Variants in DACH2 observed in about 807,000 individuals in gnomAD.
The protein encoded by DACH2 is dachshund family transcription factor 2, also known as dachshund homolog 2.
A neutral mutation model predicts 35.8 loss-of-function variants in DACH2; 17 were observed. The ratio of observed to expected loss-of-function variants is 0.48; its 90% confidence interval spans 0.33 to 0.71. The LOEUF (loss-of-function observed/expected upper bound fraction) is 0.71, where lower values mean the gene tolerates loss of function less well. DACH2 is among the 30% of genes least tolerant of loss of function. DACH2 has a pLI of 0.02. For synonymous variants in DACH2, 195 were observed against 177.3 expected, an observed-to-expected ratio of 1.10 and a Z score of -0.79; for missense variants, 469 against 472.7, an observed-to-expected ratio of 0.99 and a Z score of 0.07.
intron 1 of DACH2, among the ~76,000 whole-genome samples, chrX:86,371,676 C>A (rs747901562): frequency 1.8e-5 from 2 of 110,713 alleles, no homozygotes; most frequent in African/African-American, 6.5e-5. Context: ...TTTAAACCAG[C>A]TGCTGTGGAG....
chrX:86,149,141 T>C, intron 1 of DACH2, 33 bp downstream of exon 1: 3 of 1,154,789 alleles, frequency 2.6e-6, no homozygotes, highest in Non-Finnish European at 2.3e-6. Context: ...CTCCCACTTC[T>C]CTTACCCCTT....
chrX:86,315,788 GACACACAC>G (rs774427717), intron 1 of DACH2, among the ~76,000 whole-genome samples: 2,947 of 78,410 alleles, frequency 0.038, 62 homozygotes, highest in Middle Eastern at 0.044. Flanking sequence ...GAGGGTCGTG[GACACACAC>G]ACACACACAC....
intron 1 of DACH2, among the ~76,000 whole-genome samples, chrX:86,246,021 C>T (rs1458008345): frequency 9.0e-6 from 1 of 111,370 alleles, no homozygotes. Flanking sequence ...TTTCACAATA[C>T]AATCAGAAGT....
intron 2 of DACH2, among the ~76,000 whole-genome samples, chrX:86,414,784 G>T (rs753579350): frequency 9.0e-6 from 1 of 111,412 alleles, no homozygotes; most frequent in Non-Finnish European, 1.9e-5. Context: ...TAAACTATTA[G>T]AACCTTTTTT....
intron 2 of DACH2, among the ~76,000 whole-genome samples, chrX:86,461,391 G>A (rs751265314): frequency 1.8e-5 from 2 of 111,358 alleles, no homozygotes; most frequent in East Asian, 2.8e-4. Flanking sequence ...TCCACAGACT[G>A]TTGTATTGGG....
At chrX:86,531,463 G>A (rs1340322407) in intron 3 of DACH2, among the ~76,000 whole-genome samples, 3 of 111,925 alleles carry the variant, frequency 2.7e-5, no homozygotes, top group Non-Finnish European at 5.6e-5. Flanking sequence ...TGCCACTCCA[G>A]TTCCAGCCAT....
intron 2 of DACH2, among the ~76,000 whole-genome samples, chrX:86,472,389 A>G (rs1462092502): frequency 8.9e-6 from 1 of 111,890 alleles, no homozygotes; most frequent in Non-Finnish European, 1.9e-5. Flanking sequence ...ATTATCCCCA[A>G]GAGCCTCTGG....
chrX:86,221,152 C>G (rs776919326), intron 1 of DACH2, among the ~76,000 whole-genome samples: 1 of 111,206 alleles, frequency 9.0e-6, no homozygotes, highest in East Asian at 2.9e-4. Context: ...TTCCATGATG[C>G]TTTTCCTTTA....
intron 2 of DACH2, among the ~76,000 whole-genome samples, chrX:86,413,582 AC>A (rs1371055212): frequency 9.0e-6 from 1 of 111,056 alleles, no homozygotes; most frequent in Non-Finnish European, 1.9e-5. Flanking sequence ...GGGAATCACC[AC>A]CCCTGTTTCT....
At chrX:86,823,298 C>G (rs1051774268) in intron 11 of DACH2, among the ~76,000 whole-genome samples, 3 of 111,897 alleles carry the variant, frequency 2.7e-5, no homozygotes, top group Admixed American at 1.9e-4. Flanking sequence ...TTTATTTGTT[C>G]TAGGGAACTT....
chrX:86,402,216 A>G (rs2036447142), intron 2 of DACH2, among the ~76,000 whole-genome samples: 1 of 112,003 alleles, frequency 8.9e-6, no homozygotes, highest in South Asian at 3.7e-4. Context: ...AACAAAATCT[A>G]TCCAAATAGG....
intron 2 of DACH2, among the ~76,000 whole-genome samples, chrX:86,396,147 A>G (rs989081104): frequency 8.9e-6 from 1 of 112,160 alleles, no homozygotes; most frequent in African/African-American, 3.2e-5. Flanking sequence ...AGTGATGATG[A>G]GGATTTTTTC....
At chrX:86,346,427 T>TA (rs11358443) in intron 1 of DACH2, among the ~76,000 whole-genome samples, 2 of 109,401 alleles carry the variant, frequency 1.8e-5, no homozygotes, top group Non-Finnish European at 3.8e-5. Context: ...TCCATGTCAT[T>TA]AAAAAAAATT....
chrX:86,577,080 A>G (rs2039444708), intron 3 of DACH2, among the ~76,000 whole-genome samples: 1 of 112,242 alleles, frequency 8.9e-6, no homozygotes, highest in African/African-American at 3.2e-5. Context: ...CGTAATAACT[A>G]TATTCAAGAA....
chrX:86,613,313 G>A (rs780661609), intron 3 of DACH2, among the ~76,000 whole-genome samples: 14 of 111,027 alleles, frequency 1.3e-4, no homozygotes, highest in Non-Finnish European at 2.5e-4. Context: ...CAGTGATTGT[G>A]TTTCTCTAAC....
intron 7 of DACH2, among the ~76,000 whole-genome samples, chrX:86,781,288 G>T (rs917013602): frequency 9.0e-6 from 1 of 111,334 alleles, no homozygotes; most frequent in Non-Finnish European, 1.9e-5. Flanking sequence ...TCTGAAGCCG[G>T]GAGATAGAAT....
chrX:86,512,696 T>A (rs1467625037), intron 2 of DACH2, among the ~76,000 whole-genome samples: 1 of 112,081 alleles, frequency 8.9e-6, no homozygotes, highest in Non-Finnish European at 1.9e-5. Context: ...AAGTATAGAT[T>A]TGATGAAGCT....
intron 3 of DACH2, among the ~76,000 whole-genome samples, chrX:86,551,701 G>C (rs996369029): frequency 2.7e-5 from 3 of 111,834 alleles, no homozygotes; most frequent in African/African-American, 9.7e-5. Flanking sequence ...CTTGTATTTT[G>C]TGTTGATATT....
At chrX:86,470,504 T>C (rs368713347) in intron 2 of DACH2, among the ~76,000 whole-genome samples, 1 of 111,648 alleles carries the variant, frequency 9.0e-6, no homozygotes, top group East Asian at 2.8e-4. Context: ...GCAGTTTCAT[T>C]AGATATGGAA....
Sources: gnomAD v4.1 joint callset for allele counts (sites outside exome capture counted in the v4.1 genomes callset) on GRCh38, gnomAD v4.1.1 for gene constraint, MANE v1.5 for transcripts, NCBI Gene and HGNC (gene_info 2026-07-23, HGNC 2026-07-21) for gene names.